WSCD2: variants seen among roughly 807,000 people sequenced by gnomAD.
The protein encoded by WSCD2 is sialate:O-sulfotransferase 2.
Under a neutral mutation model 55.7 loss-of-function variants are expected in WSCD2, and 28 were observed. The observed-to-expected ratio is 0.50, with a 90% CI of 0.37 to 0.69. The LOEUF (loss-of-function observed/expected upper bound fraction) is 0.69. WSCD2 is among the 30% of genes least tolerant of loss of function. The probability of loss-of-function intolerance (pLI) is 0.00; values close to 1 mark genes in which losing one functional copy is unlikely to be tolerated. For missense variants in WSCD2, 616 were observed against 762.1 expected, an observed-to-expected ratio of 0.81 and a Z score of 2.26; for synonymous variants, 301 against 301.9, an observed-to-expected ratio of 1.00 and a Z score of 0.03.
chr12:108,166,760 C>CTTTCTTTCTTT (rs1565928762), intron 1 of WSCD2, among the ~76,000 whole-genome samples: 1 of 25,814 alleles, frequency 3.9e-5, no homozygotes. Context: ...TTCTTTCTTT[C>CTTTCTTTCTTT]TTTTCTTTCT....
chr12:108,228,688 G>T (rs909182447), intron 6 of WSCD2, among the ~76,000 whole-genome samples: 4 of 152,196 alleles, frequency 2.6e-5, no homozygotes, highest in Non-Finnish European at 5.9e-5. Flanking sequence ...GGAAGGAGTG[G>T]GCACCTTTTT....
rs779884601 is a variant in WSCD2 at position 108,250,025 on chromosome 12, G to A, written c.*1682G>A. On this transcript the variant is annotated 3_prime_UTR_variant, in exon 9 of 9. Coordinates refer to ENST00000547525, the MANE Select transcript of WSCD2 (RefSeq NM_014653.4). ...GACTCTTGGTCCAAGACCTGGGTCAGTTCTTTGCTGGTGGTCCCCTCTGAC... is the reference window on the plus strand; with the variant it reads ...GACTCTTGGTCCAAGACCTGGGTCAATTCTTTGCTGGTGGTCCCCTCTGAC... 1 of 152,552 alleles carries A rather than the reference G, an allele frequency of 6.6e-6. No homozygotes were observed. Among genetic ancestry groups the A allele is most frequent in the Non-Finnish European group, 1.5e-5 (1 of 68,048 alleles). The allele number at this position is 152,552 out of a possible 1,614,324, so 9.4% of individuals were successfully genotyped here. A position where few individuals can be genotyped will look rare whatever the true frequency, so the allele number is the denominator to read the frequency against.
chr12:108,176,418 C>A (rs1880876964), intron 1 of WSCD2, among the ~76,000 whole-genome samples: 2 of 152,122 alleles, frequency 1.3e-5, no homozygotes, highest in Non-Finnish European at 2.9e-5. Flanking sequence ...TCATAATAGC[C>A]TTTGAGTCTG....
intron 2 of WSCD2, among the ~76,000 whole-genome samples, chr12:108,201,074 G>A (rs2137066470): frequency 6.6e-6 from 1 of 152,226 alleles, no homozygotes; most frequent in East Asian, 1.9e-4. Flanking sequence ...CAATATCTTT[G>A]TATTAGCTTT....
Position 108,248,188 on chromosome 12 carries a change from G to A in WSCD2, c.1543G>A (p.Asp515Asn). ...DRLLCVESQK[D>N]GNFKRSGLRK... ...GCTGCTCTGTGTGGAGAGCCAGAAG[G>A]ATGGCAACTTCAAGCGCTCAGGGCT... The change falls in exon 9 of 9, where the codon GAT becomes AAT. Residue 515 changes from aspartate to asparagine, a missense_variant. By Grantham distance (23) the Asp-to-Asn change is conservative. Coordinates refer to ENST00000547525, the MANE Select transcript of WSCD2 (RefSeq NM_014653.4). This position sits in a 1 kb window ranked among gnomAD's most constrained non-coding sequence, Gnocchi z 4.3. 2 of 1,614,216 alleles carry A rather than the reference G, an allele frequency of 1.2e-6. No individual in the cohort carries two copies. The highest frequency in any genetic ancestry group is 1.7e-6 in the Non-Finnish European group (2 of 1,180,040).
intron 7 of WSCD2, among the ~76,000 whole-genome samples, chr12:108,237,228 T>C (rs1437152802): frequency 6.6e-6 from 1 of 152,132 alleles, no homozygotes; most frequent in Non-Finnish European, 1.5e-5. Flanking sequence ...CTCCCCTAAC[T>C]GAAAAATGCA....
At chr12:108,146,033 G>A (rs1369281352) in intron 1 of WSCD2, among the ~76,000 whole-genome samples, 1 of 152,200 alleles carries the variant, frequency 6.6e-6, no homozygotes, top group East Asian at 1.9e-4. Context: ...GAAGGAGGGG[G>A]GCATGTCATT....
At chr12:108,247,807 T>G (rs1890191683) in intron 8 of WSCD2, among the ~76,000 whole-genome samples, 184 bp from the exon 9 acceptor site, 1 of 152,248 alleles carries the variant, frequency 6.6e-6, no homozygotes, top group Non-Finnish European at 1.5e-5. Flanking sequence ...TCCTCCAGCC[T>G]TGGCCTCCCA....
chr12:108,170,265 C>G (rs986675356), intron 1 of WSCD2, among the ~76,000 whole-genome samples: 1 of 152,062 alleles, frequency 6.6e-6, no homozygotes, highest in African/African-American at 2.4e-5. Flanking sequence ...TCACTTAATG[C>G]AGGTCCAGCA....
intron 5 of WSCD2, 134 bp from the exon 6 acceptor site, chr12:108,226,856 T>A: frequency 9.4e-7 from 1 of 1,058,978 alleles, no homozygotes; most frequent in Non-Finnish European, 1.3e-6. Context: ...GGATGGAATT[T>A]GGGGACCCTC....
chr12:108,179,835 C>A (rs1197961032), intron 1 of WSCD2, among the ~76,000 whole-genome samples: 3 of 152,148 alleles, frequency 2.0e-5, no homozygotes, highest in Non-Finnish European at 4.4e-5. Flanking sequence ...GAATAGCACT[C>A]GCCTTCTAGA....
At chr12:108,214,173 T>C (rs1886556376) in intron 4 of WSCD2, among the ~76,000 whole-genome samples, 1 of 152,208 alleles carries the variant, frequency 6.6e-6, no homozygotes, top group Admixed American at 6.5e-5. Flanking sequence ...GAGTCATTAG[T>C]TGGTATTAAC....
intron 1 of WSCD2, among the ~76,000 whole-genome samples, chr12:108,169,051 A>G (rs903936531): frequency 6.6e-6 from 1 of 152,130 alleles, no homozygotes; most frequent in Non-Finnish European, 1.5e-5. Flanking sequence ...TTAGATTCTC[A>G]TAGGAGCACA....
At chr12:108,168,425 C>G (rs912450658) in intron 1 of WSCD2, among the ~76,000 whole-genome samples, 2 of 152,178 alleles carry the variant, frequency 1.3e-5, no homozygotes, top group African/African-American at 4.8e-5. Context: ...TTAGGTCACC[C>G]CTACACATCT....
At chr12:108,218,644 T>G (rs1268725378) in intron 4 of WSCD2, among the ~76,000 whole-genome samples, 1 of 152,188 alleles carries the variant, frequency 6.6e-6, no homozygotes, top group Non-Finnish European at 1.5e-5. Flanking sequence ...TTCAATTATT[T>G]GGGGCCATGC....
At chr12:108,215,023 G>T (rs984479605) in intron 4 of WSCD2, among the ~76,000 whole-genome samples, 3 of 152,204 alleles carry the variant, frequency 2.0e-5, no homozygotes, top group Non-Finnish European at 4.4e-5. Flanking sequence ...TGCTGGAATG[G>T]ACCATGTCTA....
chr12:108,202,941 C>CCCACTT (rs1421627209), intron 2 of WSCD2, among the ~76,000 whole-genome samples: 1 of 152,172 alleles, frequency 6.6e-6, no homozygotes, highest in Non-Finnish European at 1.5e-5. Context: ...AACGAACCAC[C>CCCACTT]CCACTTCCCA....
intron 4 of WSCD2, among the ~76,000 whole-genome samples, chr12:108,217,936 G>GCTGGATCTACAAAGA (rs11273425): frequency 0.67 from 101,881 of 151,990 alleles, 34,502 homozygotes; most frequent in East Asian, 0.71. Context: ...TCTCTGCAGA[G>GCTGGATCTACAAAGA]CTTCCTTCCT....
chr12:108,143,011 G>A (rs1355930082), intron 1 of WSCD2, among the ~76,000 whole-genome samples: 3 of 152,058 alleles, frequency 2.0e-5, no homozygotes, highest in Non-Finnish European at 4.4e-5. Flanking sequence ...ATGGAGTCTC[G>A]CTTTGTTACA....
Sources: allele counts gnomAD v4.1 joint callset (sites outside exome capture counted in the v4.1 genomes callset), GRCh38; gene constraint gnomAD v4.1.1; non-coding constraint Gnocchi (gnomAD v3.1); transcripts MANE v1.5; gene names NCBI Gene and HGNC (gene_info 2026-07-23, HGNC 2026-07-21).